The following SLC22A14 variants were observed in gnomAD, a reference collection of about 807,000 sequenced individuals.
SLC22A14 encodes the protein solute carrier family 22 member 14.
A neutral mutation model predicts 53.9 loss-of-function variants in SLC22A14; 50 were observed. That is an observed-to-expected ratio of 0.93 (90% CI 0.74 to 1.17). The LOEUF (loss-of-function observed/expected upper bound fraction) is 1.17. SLC22A14 is among the 50% of genes most tolerant of loss of function. SLC22A14 has a pLI of 0.00. For missense variants in SLC22A14, 671 were observed against 734.7 expected (o/e 0.91, Z 1.00); for synonymous variants, 312 against 303.0 (o/e 1.03, Z -0.31).
chr3:38,312,521 G>A (rs1331066763), intron 5 of SLC22A14, among the ~76,000 whole-genome samples: 6 of 152,212 alleles, frequency 3.9e-5, no homozygotes, highest in South Asian at 2.1e-4. Context: ...CCCAGGCAGA[G>A]TGCTGGGCAC....
intron 1 of SLC22A14, among the ~76,000 whole-genome samples, chr3:38,295,830 C>G (rs1704025033): frequency 6.6e-6 from 1 of 151,942 alleles, no homozygotes; most frequent in African/African-American, 2.4e-5. Context: ...CTCTTTCTCT[C>G]TCTCTTCTTT....
chr3:38,307,742 G>A lies in SLC22A14; in HGVS notation c.775+22G>A, dbSNP rs1339999290. The A allele has an allele frequency of 1.9e-6, 3 of 1,613,178 alleles. No individual in the cohort carries two copies. The highest frequency in any genetic ancestry group is 1.7e-5 in the Admixed American group (1 of 60,000). The stretch of plus-strand genomic sequence containing the variant: ...TTGGGTGAGACTGGGCCTCAATGGG[G>A]CAGGGCAGGGTGGCACAGGGGCATG... On this transcript the variant is annotated intron_variant, in intron 4 of 10. Transcript: ENST00000448498. The surrounding 1 kb of genome is among the most constrained non-coding windows in gnomAD (Gnocchi z 4.4).
chr3:38,302,638 C>T (rs1704196813), intron 1 of SLC22A14, among the ~76,000 whole-genome samples: 1 of 152,076 alleles, frequency 6.6e-6, no homozygotes, highest in South Asian at 2.1e-4. Context: ...GCCTAGGTGA[C>T]CAAGTGAGAC....
intron 1 of SLC22A14, among the ~76,000 whole-genome samples, chr3:38,283,716 G>C (rs1042697751): frequency 6.6e-6 from 1 of 152,136 alleles, no homozygotes; most frequent in African/African-American, 2.4e-5. Context: ...TGTAGTACCA[G>C]CTACTCGGGA....
chr3:38,313,679 T>TGC, intron 7 of SLC22A14, 48 bp from the exon 8 acceptor site: 1 of 839,016 alleles, frequency 1.2e-6, no homozygotes, highest in Non-Finnish European at 1.8e-6. Flanking sequence ...CCTGGCTCCG[T>TGC]GTGTGTGCGC....
At chr3:38,284,252 A>G (rs115499264) in intron 1 of SLC22A14, among the ~76,000 whole-genome samples, 2,811 of 152,274 alleles carry the variant, frequency 0.018, 37 homozygotes, top group Middle Eastern at 0.054. Flanking sequence ...TAGTAGAGCG[A>G]GGGGCTCATG....
intron 1 of SLC22A14, among the ~76,000 whole-genome samples, chr3:38,298,785 A>G (rs1373001840): frequency 6.6e-6 from 1 of 152,052 alleles, no homozygotes; most frequent in Non-Finnish European, 1.5e-5. Context: ...TGAACTCCTG[A>G]CCTCAGGTGA....
At chr3:38,298,515 C>T (rs1382373580) in intron 1 of SLC22A14, among the ~76,000 whole-genome samples, 1 of 151,726 alleles carries the variant, frequency 6.6e-6, no homozygotes, top group African/African-American at 2.4e-5. Flanking sequence ...CCTTTGGTTC[C>T]AATCCAAGAC....
At chr3:38,314,521 A>C (rs1704570168) in intron 8 of SLC22A14, among the ~76,000 whole-genome samples, 1 of 152,218 alleles carries the variant, frequency 6.6e-6, no homozygotes, top group African/African-American at 2.4e-5. Flanking sequence ...TATCTTCAGA[A>C]TCTCAAAGAG....
intron 1 of SLC22A14, among the ~76,000 whole-genome samples, chr3:38,298,471 T>G (rs1704089606): frequency 6.7e-6 from 1 of 149,242 alleles, no homozygotes; most frequent in Non-Finnish European, 1.5e-5. Context: ...TCTATCTATC[T>G]ATCTAATCTA....
chr3:38,291,719 G>A (rs1439731558), intron 1 of SLC22A14, among the ~76,000 whole-genome samples: 1 of 152,192 alleles, frequency 6.6e-6, no homozygotes, highest in African/African-American at 2.4e-5. Flanking sequence ...ATAAAGAAAA[G>A]TCTTGCCCCG....
intron 5 of SLC22A14, among the ~76,000 whole-genome samples, chr3:38,311,800 A>AC (rs2125890111): frequency 6.6e-6 from 1 of 152,304 alleles, no homozygotes; most frequent in East Asian, 1.9e-4. Context: ...GTCCATATTT[A>AC]CGTCAACATT....
upstream of SLC22A14, among the ~76,000 whole-genome samples, chr3:38,279,929 G>T (rs577996181): frequency 6.6e-6 from 1 of 152,196 alleles, no homozygotes; most frequent in Non-Finnish European, 1.5e-5. Flanking sequence ...TGAGTTTGCA[G>T]GATGGTAGGT....
rs116479772 is a variant in SLC22A14, at chr3:38,284,076, G to A, written c.-1+1737G>A. 9.1e-3 allele frequency among the ~76,000 whole-genome samples: 1,382 copies of A among 152,284 alleles called. 14 individuals carry two copies. Among genetic ancestry groups the A allele is most frequent in the African/African-American group, 0.019 (789 of 41,560 alleles). On this transcript the variant is annotated intron_variant, in intron 1 of 10. Transcript: ENST00000448498. ...TGTGTCTGCAGGCTGGATTTGTCCC[G>A]TAGACGATGAGCTGGAGACCTCTTC... is the stretch of plus-strand genomic sequence containing the variant.
intron 7 of SLC22A14, 42 bp from the exon 8 acceptor site, chr3:38,313,685 T>TGTGTGCGTGTGCGCGC: frequency 0.24 from 214,081 of 900,028 alleles, 26,064 homozygotes; most frequent in South Asian, 0.41. Flanking sequence ...TCCGTGTGTG[T>TGTGTGCGTGTGCGCGC]GCGCGCGTGT....
intron 1 of SLC22A14, chr3:38,305,595 C>T (rs1704279133): frequency 5.7e-6 from 1 of 174,042 alleles, no homozygotes; most frequent in African/African-American, 2.4e-5. Context: ...TCCAGCCTCC[C>T]ACCTTGGGCC....
At position 38,307,194 on chromosome 3, in the gene SLC22A14, G is replaced by T. The variant is rs1014835476; in HGVS notation, c.517-60G>T. On this transcript the variant is annotated intron_variant, in intron 2 of 10. Transcript: ENST00000448498. The surrounding 1 kb of genome is among the most constrained non-coding windows in gnomAD (Gnocchi z 4.4). ...GCCTATAGGTCCCACGCTGGGATGA[G>T]TCTCAGTCTCTGGACCCAAAGGTGG... The T allele has an allele frequency of 2.1e-5, 25 of 1,174,936 alleles. No individual in the cohort carries two copies. Among genetic ancestry groups the T allele is most frequent in the East Asian group, 9.3e-5 (4 of 42,814 alleles). The allele number at this position is 1,174,936 out of a possible 1,614,324, so 72.8% of individuals were successfully genotyped here.
In SLC22A14 at chr3:38,306,067, A is replaced by C; in HGVS notation, c.41A>C (p.Gln14Pro). The C allele has an allele frequency of 6.2e-7, 1 of 1,613,982 alleles. No homozygotes were observed. Among genetic ancestry groups the C allele is most frequent in the Non-Finnish European group, 8.5e-7 (1 of 1,179,890 alleles). The stretch of plus-strand genomic sequence containing the variant: ...AACTTCAAGGAAGAGCTCAGATCCC[A>C]GGATGCTTCCAGGAACTTGAACCAG... ...EENFKEELRS[Q>P]DASRNLNQHE... Residue 14 changes from glutamine (Q) to proline (P), a missense_variant, in exon 2 of 11, where the codon CAG becomes CCG. By Grantham distance (76) the Gln-to-Pro change is moderately conservative. Transcript: ENST00000448498.
At chr3:38,294,701 A>C (rs1343982122) in intron 1 of SLC22A14, among the ~76,000 whole-genome samples, 1 of 152,020 alleles carries the variant, frequency 6.6e-6, no homozygotes, top group African/African-American at 2.4e-5. Context: ...AGTTATGCTC[A>C]CCGATGTAGC....
Sources: gnomAD v4.1 joint callset for allele counts (sites outside exome capture counted in the v4.1 genomes callset) on GRCh38, gnomAD v4.1.1 for gene constraint, Gnocchi (gnomAD v3.1) non-coding constraint, MANE v1.5 for transcripts, NCBI Gene and HGNC (gene_info 2026-07-23, HGNC 2026-07-21) for gene names.